E2F2: variants seen among roughly 807,000 people sequenced by gnomAD.
The protein encoded by E2F2 is E2F transcription factor 2, also known as transcription factor E2F2.
In E2F2, 22 loss-of-function variants were observed where a neutral mutation model predicts 42.2. The observed-to-expected ratio is 0.52, with a 90% confidence interval of 0.37 to 0.74. The LOEUF is 0.74. E2F2 is among the 30% of genes least tolerant of loss of function. The pLI, the probability that E2F2 is intolerant of heterozygous loss-of-function variation, is 0.00. For synonymous variants in E2F2, 248 were observed against 251.6 expected (o/e 0.99, Z 0.13); for missense variants, 481 against 557.8 (o/e 0.86, Z 1.39).
At position 23,509,718 on chromosome 1, in the gene E2F2, C is replaced by A; in HGVS notation, c.*162G>T. The A allele has an allele frequency of 7.4e-7, 1 of 1,349,424 alleles. No homozygotes were observed. Among genetic ancestry groups the A allele is most frequent in the Non-Finnish European group, 9.7e-7 (1 of 1,030,266 alleles). 83.6% of individuals were successfully genotyped at this position (1,349,424 alleles called of 1,614,324 possible). A position where few individuals can be genotyped will look rare whatever the true frequency, so the allele number is the denominator to read the frequency against. ...CACTCCTCACCCGTACCATTCATAT[C>A]TCCCCACACAGCTTCTGCCGGCTGG... is the stretch of plus-strand genomic sequence containing the variant. On this transcript the variant is annotated 3_prime_UTR_variant, in exon 7 of 7. Coordinates refer to ENST00000361729, the MANE Select transcript of E2F2 (RefSeq NM_004091.4).
At chr1:23,526,851 GCA>G (rs3221150) in intron 1 of E2F2, among the ~76,000 whole-genome samples, 25,069 of 148,514 alleles carry the variant, frequency 0.17, 2,165 homozygotes, top group South Asian at 0.42. Flanking sequence ...GCATGTACTT[GCA>G]CACACACACA....
Position 23,530,701 on chromosome 1 carries a change from G to A in E2F2, c.93C>T (p.Gly31=). 6.2e-7 allele frequency: 1 copy of A among 1,611,350 alleles called. No individual in the cohort carries two copies. The highest frequency in any genetic ancestry group is 2.2e-5 in the East Asian group (1 of 44,790). ...CTGGGCAGAGCTGGGGGCTGCTGAG[G>A]CCGGATGGCCACAGCTCTGTGGGGC... ...AMSPTELWPS[G]LSSPQLCPAT... Residue 31 remains glycine, a synonymous_variant, in exon 1 of 7, where the codon GGC becomes GGT. Transcript: ENST00000361729. This position sits in a 1 kb window ranked among gnomAD's most constrained non-coding sequence, Gnocchi z 4.4.
intron 1 of E2F2, 69 bp from the exon 2 acceptor site, chr1:23,524,557 G>T: frequency 6.9e-7 from 1 of 1,458,502 alleles, no homozygotes; most frequent in East Asian, 2.5e-5. Context: ...CCCTGATGTG[G>T]GGCCAAAGCA....
rs554133265 is a variant in E2F2 at position 23,526,938 on chromosome 1, T to G, written c.253-2450A>C. On this transcript the variant is annotated intron_variant, in intron 1 of 6. Coordinates refer to ENST00000361729, the MANE Select transcript of E2F2 (RefSeq NM_004091.4). Reference sequence around the variant, plus strand: ...TTATTCTGCACTCCCAGGGTCCCAATGCGGCAAGTGTCCCCCTAAGGATAC... The same window carrying G: ...TTATTCTGCACTCCCAGGGTCCCAAGGCGGCAAGTGTCCCCCTAAGGATAC... 3.3e-5 allele frequency among the ~76,000 whole-genome samples: 5 copies of G among 152,166 alleles called. No individual in the cohort carries two copies. In the East Asian group the frequency reaches 5.8e-4, roughly 18 times the overall value.
At chr1:23,505,473 G>A (rs1375792611), downstream of E2F2, among the ~76,000 whole-genome samples, 1 of 152,056 alleles carries the variant, frequency 6.6e-6, no homozygotes, top group African/African-American at 2.4e-5. Context: ...AGAATACTGA[G>A]TCCCGCCCCA....
Position 23,508,285 on chromosome 1 carries a change from T to C in E2F2, c.*1595A>G, listed in dbSNP as rs1369002294. ...GTCTCAAACTTCAGACATCAGTCAG[T>C]CAGCTCAGGAGCCATCCAACAAAAC... On this transcript the variant is annotated 3_prime_UTR_variant, in exon 7 of 7. Transcript: ENST00000361729. 1 of 152,268 alleles carries C rather than the reference T, an allele frequency of 6.6e-6. No homozygotes were observed. Among genetic ancestry groups the C allele is most frequent in the Non-Finnish European group, 1.5e-5 (1 of 68,076 alleles). The allele number at this position is 152,268 out of a possible 1,614,324, so 9.4% of individuals were successfully genotyped here.
chr1:23,529,912 G>A (rs1028416777), intron 1 of E2F2, among the ~76,000 whole-genome samples: 8 of 152,236 alleles, frequency 5.3e-5, no homozygotes, highest in African/African-American at 1.9e-4. Context: ...CTGGCAACGA[G>A]CCTGGGAGCT....
intron 1 of E2F2, among the ~76,000 whole-genome samples, chr1:23,527,343 A>C (rs1232412951): frequency 1.3e-5 from 2 of 152,196 alleles, no homozygotes; most frequent in African/African-American, 2.4e-5. Flanking sequence ...CGATGAGGGG[A>C]GGAGAGCAAA....
chr1:23,531,103 G>C lies in E2F2; in HGVS notation c.-310C>G. 1 of 321,646 alleles carries C rather than the reference G, an allele frequency of 3.1e-6. No individual in the cohort carries two copies. The highest frequency in any genetic ancestry group is 5.7e-6 in the Non-Finnish European group (1 of 176,862). The allele number at this position is 321,646 out of a possible 1,614,324, so 19.9% of individuals were successfully genotyped here. On this transcript the variant is annotated 5_prime_UTR_variant, in exon 1 of 7. Coordinates refer to ENST00000361729, the MANE Select transcript of E2F2 (RefSeq NM_004091.4). Reference sequence around the variant, plus strand: ...CCCAAGGCCTCGGCACCTGGGGTCCGGCCGGCTCTGGGGAGGGGTCCCCGG... The same window carrying C: ...CCCAAGGCCTCGGCACCTGGGGTCCCGCCGGCTCTGGGGAGGGGTCCCCGG...
At chr1:23,526,851 G>GCGCACACA (rs138309530) in intron 1 of E2F2, among the ~76,000 whole-genome samples, 2 of 148,722 alleles carry the variant, frequency 1.3e-5, no homozygotes, top group Non-Finnish European at 3.0e-5. Context: ...GCATGTACTT[G>GCGCACACA]CACACACACA....
At position 23,510,106 on chromosome 1, in the gene E2F2, G is replaced by T. The variant is rs1439706862; in HGVS notation, c.1088C>A (p.Pro363Gln). ...APTPQQAPPP[P>Q]SLVPLEATDS... ...AGTAGCCTCCAAGGGGACCAGGGAT[G>T]GAGGCGGTGGGGCCTGCTGGGGGGT... is the stretch of plus-strand genomic sequence containing the variant. The change falls in exon 7 of 7, where the codon CCA (proline) becomes CAA (glutamine). Residue 363 changes from proline to glutamine, a missense_variant. Transcript: ENST00000361729. 1 of 1,604,918 alleles carries T rather than the reference G, an allele frequency of 6.2e-7. No homozygotes were observed. Among genetic ancestry groups the T allele is most frequent in the East Asian group, 2.2e-5 (1 of 44,516 alleles).
chr1:23,516,583 A>G (rs1002344387), intron 5 of E2F2, 56 bp from the exon 6 acceptor site: 103 of 1,455,222 alleles, frequency 7.1e-5, no homozygotes, highest in African/African-American at 1.4e-5. Context: ...ACTTACACTT[A>G]GTGTGTATGG....
chr1:23,521,669 C>G (rs1057436466), intron 3 of E2F2, 168 bp downstream of exon 3: 6 of 985,332 alleles, frequency 6.1e-6, no homozygotes, highest in Non-Finnish European at 7.2e-6. Context: ...GCTCTACCCC[C>G]AGCAATAAGC....
chr1:23,515,859 C>G (rs900078913), intron 6 of E2F2, among the ~76,000 whole-genome samples: 2 of 152,210 alleles, frequency 1.3e-5, no homozygotes, highest in African/African-American at 2.4e-5. Flanking sequence ...TGCCACCACA[C>G]TCGGCTAATT....
intron 6 of E2F2, among the ~76,000 whole-genome samples, chr1:23,511,639 C>A (rs1642911012): frequency 6.6e-6 from 1 of 152,206 alleles, no homozygotes; most frequent in East Asian, 1.9e-4. Context: ...TCAGAATCCC[C>A]CACATTGCAG....
At chr1:23,517,821 G>A (rs906771857) in intron 5 of E2F2, among the ~76,000 whole-genome samples, 10 of 152,288 alleles carry the variant, frequency 6.6e-5, no homozygotes, top group Middle Eastern at 3.4e-3. Context: ...GATGAATAGC[G>A]GTAAATCAGG....
rs755992777 is a variant in E2F2, at chr1:23,510,113, G to A, written c.1081C>T (p.Pro361Ser). The A allele has an allele frequency of 8.7e-6, 14 of 1,604,448 alleles. No individual in the cohort carries two copies. The highest frequency in any genetic ancestry group is 1.2e-5 in the Non-Finnish European group (14 of 1,176,274). Residue 361 changes from proline to serine, a missense_variant, in exon 7 of 7, where the codon CCG becomes TCG. Pro to Ser is a moderately conservative substitution (Grantham distance 74). Coordinates refer to ENST00000361729, the MANE Select transcript of E2F2 (RefSeq NM_004091.4). ...APAPTPQQAP[P>S]PPSLVPLEAT... ...TCCAAGGGGACCAGGGATGGAGGCG[G>A]TGGGGCCTGCTGGGGGGTTGGCGCT...
Position 23,530,874 on chromosome 1 carries a change from C to A in E2F2, c.-81G>T. The A allele has an allele frequency of 7.2e-7, 1 of 1,397,320 alleles. No homozygotes were observed. The allele number at this position is 1,397,320 out of a possible 1,614,324, so 86.6% of individuals were successfully genotyped here. A position where few individuals can be genotyped will look rare whatever the true frequency, so the allele number is the denominator to read the frequency against. On this transcript the variant is annotated 5_prime_UTR_variant, in exon 1 of 7. Transcript: ENST00000361729. This position sits in a 1 kb window ranked among gnomAD's most constrained non-coding sequence, Gnocchi z 4.4. The stretch of plus-strand genomic sequence containing the variant: ...GGTTCCGGTGCTGCCGCCTTTCACA[C>A]GGCCCGCGGCATGGCGCGGAGGCCG...
chr1:23,510,283 A>C, intron 6 of E2F2, 135 bp from the exon 7 acceptor site: 1 of 1,381,458 alleles, frequency 7.2e-7, no homozygotes, highest in Non-Finnish European at 9.4e-7. Context: ...CGTGCTCTCA[A>C]AATCCACCTT....
Sources: gnomAD v4.1 joint callset for allele counts (sites outside exome capture counted in the v4.1 genomes callset) on GRCh38, gnomAD v4.1.1 for gene constraint, Gnocchi (gnomAD v3.1) non-coding constraint, MANE v1.5 for transcripts, NCBI Gene and HGNC (gene_info 2026-07-23, HGNC 2026-07-21) for gene names.